The following ZNF827 variants were observed in gnomAD, a reference collection of about 807,000 sequenced individuals.
ZNF827 encodes the protein zinc finger protein 827.
ZNF827 carries 13 observed loss-of-function variants against 102.4 expected under a neutral mutation model. The observed-to-expected ratio is 0.13, with a 90% confidence interval of 0.08 to 0.20. The LOEUF (loss-of-function observed/expected upper bound fraction) is 0.20, where lower values mean the gene tolerates loss of function less well. ZNF827 is among the 10% of genes least tolerant of loss of function. ZNF827 has a pLI of 1.00. For synonymous variants in ZNF827, 523 were observed against 536.2 expected (o/e 0.98, Z 0.34); for missense variants, 1,103 against 1,344.4 (o/e 0.82, Z 2.81).
intron 2 of ZNF827, among the ~76,000 whole-genome samples, chr4:145,899,979 T>TA (rs1751288072): frequency 2.0e-5 from 3 of 152,200 alleles, no homozygotes; most frequent in Non-Finnish European, 4.4e-5. Flanking sequence ...TCTCCCATAT[T>TA]CAATTATTCT....
At chr4:145,918,332 CAAAAAAAAAA>C (rs34428145) in intron 1 of ZNF827, among the ~76,000 whole-genome samples, 1 of 22,128 alleles carries the variant, frequency 4.5e-5, no homozygotes, top group African/African-American at 2.3e-4. Flanking sequence ...TAGCTCAAGG[CAAAAAAAAAA>C]AAAAAAAAAA....
At position 145,765,845 on chromosome 4, in the gene ZNF827, G is replaced by T; in HGVS notation, c.2861-107C>A. 8.5e-7 allele frequency: 1 copy of T among 1,175,106 alleles called. No homozygotes were observed. The highest frequency in any genetic ancestry group is 1.2e-6 in the Non-Finnish European group (1 of 846,612). 72.8% of individuals were successfully genotyped at this position (1,175,106 alleles called of 1,614,324 possible). ...CTCATGGATGCATCATCATTCTGGG[G>T]GCACAGGCTCATGTCCCCAGCTCCC... On this transcript the variant is annotated intron_variant, in intron 11 of 14. Coordinates refer to ENST00000508784, the MANE Select transcript of ZNF827 (RefSeq NM_001306215.2). This position sits in a 1 kb window ranked among gnomAD's most constrained non-coding sequence, Gnocchi z 4.7.
At chr4:145,924,253 A>G (rs916212094) in intron 1 of ZNF827, among the ~76,000 whole-genome samples, 1 of 152,264 alleles carries the variant, frequency 6.6e-6, no homozygotes, top group African/African-American at 2.4e-5. Context: ...CAGAGAATTT[A>G]GGGTAACTCT....
chr4:145,761,731 CCCTG>C lies in ZNF827; in HGVS notation c.*18-137_*18-134del. ...GCCTGGCCTGCCCAGCCCAGCCCAG[CCCTG>C]CCGCCTCTCAGGGGTGGAACGGCCC... On this transcript the variant is annotated intron_variant, in intron 14 of 14. Transcript: ENST00000508784. The surrounding 1 kb of genome is among the most constrained non-coding windows in gnomAD (Gnocchi z 6.8). 4.1e-6 allele frequency: 2 copies of C among 488,758 alleles called. No individual in the cohort carries two copies. Among genetic ancestry groups the C allele is most frequent in the South Asian group, 3.9e-5 (2 of 51,024 alleles). 30.3% of individuals were successfully genotyped at this position (488,758 alleles called of 1,614,324 possible).
intron 7 of ZNF827, among the ~76,000 whole-genome samples, chr4:145,844,857 C>T (rs1044151646): frequency 6.6e-6 from 1 of 152,060 alleles, no homozygotes; most frequent in African/African-American, 2.4e-5. Flanking sequence ...GTACTGTCCA[C>T]AGGCCTGATG....
chr4:145,795,197 G>A (rs1288797991), intron 8 of ZNF827, among the ~76,000 whole-genome samples: 1 of 152,208 alleles, frequency 6.6e-6, no homozygotes, highest in East Asian at 1.9e-4. Context: ...GCCCAGGGTG[G>A]AGTGTAGTGG....
intron 8 of ZNF827, among the ~76,000 whole-genome samples, chr4:145,793,945 G>T (rs897199673): frequency 6.6e-6 from 1 of 152,104 alleles, no homozygotes; most frequent in Non-Finnish European, 1.5e-5. Context: ...AACTCTGACT[G>T]GGGGGAAGTC....
chr4:145,805,125 T>TTGTG (rs35536912), intron 8 of ZNF827, among the ~76,000 whole-genome samples: 14,727 of 148,270 alleles, frequency 0.099, 770 homozygotes, highest in Middle Eastern at 0.13. Context: ...GCAATTCCTT[T>TTGTG]TGTGTGTGTG....
intron 4 of ZNF827, among the ~76,000 whole-genome samples, chr4:145,874,453 A>T (rs1748983143): frequency 6.6e-6 from 1 of 152,224 alleles, no homozygotes; most frequent in South Asian, 2.1e-4. Flanking sequence ...TATGAAGGCT[A>T]ACCTGCTTTT....
chr4:145,895,078 A>G (rs1052511794), intron 2 of ZNF827, among the ~76,000 whole-genome samples: 1 of 152,210 alleles, frequency 6.6e-6, no homozygotes, highest in African/African-American at 2.4e-5. Context: ...CCCATCTTCA[A>G]GAAGTATGTC....
At chr4:145,914,086 C>CACA (rs1424750845) in intron 1 of ZNF827, among the ~76,000 whole-genome samples, 2 of 151,832 alleles carry the variant, frequency 1.3e-5, no homozygotes, top group Admixed American at 6.6e-5. Flanking sequence ...CACACACACA[C>CACA]ACACCAAGAG....
intron 8 of ZNF827, among the ~76,000 whole-genome samples, chr4:145,783,444 G>A (rs1738392431): frequency 6.6e-6 from 1 of 152,154 alleles, no homozygotes; most frequent in Non-Finnish European, 1.5e-5. Flanking sequence ...TTCTATTAGT[G>A]GAAATGTTTG....
At chr4:145,881,410 G>A (rs1749651500) in intron 4 of ZNF827, among the ~76,000 whole-genome samples, 1 of 152,154 alleles carries the variant, frequency 6.6e-6, no homozygotes, top group Non-Finnish European at 1.5e-5. Context: ...AAAAATAGTT[G>A]AAATGACATA....
Position 145,762,915 on chromosome 4 carries a change from G to A in ZNF827, c.*17+175C>T, listed in dbSNP as rs537897175. The stretch of plus-strand genomic sequence containing the variant: ...GGAGTGGACTGTCCTCGGAGGGTCT[G>A]GAGAGGTGTTCAGCAGAGCCCAACA... On this transcript the variant is annotated intron_variant, in intron 14 of 14. Coordinates refer to ENST00000508784, the MANE Select transcript of ZNF827 (RefSeq NM_001306215.2). This position sits in a 1 kb window ranked among gnomAD's most constrained non-coding sequence, Gnocchi z 4.9. 2.0e-5 allele frequency among the ~76,000 whole-genome samples: 3 copies of A among 152,332 alleles called. No homozygotes were observed. The highest frequency in any genetic ancestry group is 2.9e-5 in the Non-Finnish European group (2 of 68,028).
intron 8 of ZNF827, among the ~76,000 whole-genome samples, chr4:145,796,009 T>G (rs1365552752): frequency 6.6e-6 from 1 of 152,186 alleles, no homozygotes. Context: ...GAATGGCCTA[T>G]CAGAAGCAGT....
chr4:145,902,746 C>T lies in ZNF827; in HGVS notation c.513G>A (p.Arg171=), dbSNP rs1458216483. 6.2e-7 allele frequency: 1 copy of T among 1,613,996 alleles called. No individual in the cohort carries two copies. Among genetic ancestry groups the T allele is most frequent in the African/African-American group, 1.3e-5 (1 of 74,904 alleles). ...HHAQQLSVLA[R]KLAEKQEQND... is the part of the protein sequence containing the mutation. ...TCTGTTCCTGCTTCTCGGCCAACTTCCTGGCCAGAACACTGAGCTGCTGGG... is the reference window on the plus strand; with the variant it reads ...TCTGTTCCTGCTTCTCGGCCAACTTTCTGGCCAGAACACTGAGCTGCTGGG... Residue 171 remains arginine (R), a synonymous_variant, in exon 2 of 15, where the codon AGG becomes AGA. Coordinates refer to ENST00000508784, the MANE Select transcript of ZNF827 (RefSeq NM_001306215.2). The surrounding 1 kb of genome is among the most constrained non-coding windows in gnomAD (Gnocchi z 4.3).
At chr4:145,881,069 T>G (rs2126802851) in intron 4 of ZNF827, among the ~76,000 whole-genome samples, 2 of 152,320 alleles carry the variant, frequency 1.3e-5, no homozygotes, top group East Asian at 3.9e-4. Context: ...ATACAAAAAC[T>G]GTATTGTAAA....
chr4:145,770,307 TAAATAAA>T (rs1298766422), intron 11 of ZNF827, among the ~76,000 whole-genome samples: 1 of 43,548 alleles, frequency 2.3e-5, no homozygotes, highest in African/African-American at 7.7e-5. Context: ...TTAAAATAAA[TAAATAAA>T]TAAATAAATA....
chr4:145,885,650 GAGAGA>G, intron 4 of ZNF827, 23 bp downstream of exon 4: 1 of 1,301,368 alleles, frequency 7.7e-7, no homozygotes, highest in Middle Eastern at 2.0e-4. Context: ...GAGAGAGAGA[GAGAGA>G]GAATACAACC....
Sources: gnomAD v4.1 joint callset for allele counts (sites outside exome capture counted in the v4.1 genomes callset) on GRCh38, gnomAD v4.1.1 for gene constraint, Gnocchi (gnomAD v3.1) non-coding constraint, MANE v1.5 for transcripts, NCBI Gene and HGNC (gene_info 2026-07-23, HGNC 2026-07-21) for gene names.